ATP6V0D2: variants seen among roughly 807,000 people sequenced by gnomAD.
The protein encoded by ATP6V0D2 is V-type proton ATPase subunit d 2.
Under a neutral mutation model 40.0 loss-of-function variants are expected in ATP6V0D2, and 40 were observed. The observed-to-expected ratio is 1.00, with a 90% CI of 0.78 to 1.30. ATP6V0D2 has a LOEUF of 1.30. Ranked by LOEUF, ATP6V0D2 falls within the 50% of genes most tolerant of loss-of-function variation. ATP6V0D2 has a pLI of 0.00. For synonymous variants in ATP6V0D2, 179 were observed against 156.3 expected (o/e 1.15, Z -1.08); for missense variants, 470 against 423.1 (o/e 1.11, Z -0.97).
chr8:86,145,198 AG>A (rs1482341474), intron 5 of ATP6V0D2, among the ~76,000 whole-genome samples: 18 of 43,936 alleles, frequency 4.1e-4, no homozygotes, highest in Non-Finnish European at 8.8e-4. Flanking sequence ...AAGAAAGAAA[AG>A]AAAGAAAGAA....
At chr8:86,126,460 T>C (rs1401949686) in intron 2 of ATP6V0D2, among the ~76,000 whole-genome samples, 1 of 151,622 alleles carries the variant, frequency 6.6e-6, no homozygotes, top group Non-Finnish European at 1.5e-5. Context: ...TGTAAATAAC[T>C]ATGTTTGAAA....
intron 1 of ATP6V0D2, among the ~76,000 whole-genome samples, chr8:86,111,237 A>T (rs1198938220): frequency 2.0e-5 from 3 of 149,500 alleles, no homozygotes; most frequent in African/African-American, 7.4e-5. Context: ...CCCAGGCTAG[A>T]GTACAGTGGC....
chr8:86,146,254 T>C lies in ATP6V0D2; in HGVS notation c.639+3300T>C, dbSNP rs567272036. Reference sequence around the variant, plus strand: ...AGAATTATGGCTTTGTAATCCTTGGTAATGTAAAAAAAGGATAGTATCATA... The same window carrying C: ...AGAATTATGGCTTTGTAATCCTTGGCAATGTAAAAAAAGGATAGTATCATA... On this transcript the variant is annotated intron_variant, in intron 5 of 7. Transcript: ENST00000285393. 5.3e-5 allele frequency among the ~76,000 whole-genome samples: 8 copies of C among 152,278 alleles called. No individual in the cohort carries two copies. In the East Asian group the frequency reaches 1.5e-3, roughly 29 times the overall value.
rs561469026 is a variant in ATP6V0D2, at chr8:86,153,023, A to C, written c.*46A>C. On this transcript the variant is annotated 3_prime_UTR_variant, in exon 8 of 8. Transcript: ENST00000285393. ...GTAGAAAATTATAAATGTTAAAAGG[A>C]AGTTATTGAAGAAAATAAAAGAAAT... 3 of 1,463,758 alleles carry C rather than the reference A, an allele frequency of 2.0e-6. No homozygotes were observed. Among genetic ancestry groups the C allele is most frequent in the African/African-American group, 1.4e-5 (1 of 69,532 alleles). 90.7% of individuals were successfully genotyped at this position (1,463,758 alleles called of 1,614,324 possible). A position where few individuals can be genotyped will look rare whatever the true frequency, so the allele number is the denominator to read the frequency against.
intron 2 of ATP6V0D2, among the ~76,000 whole-genome samples, chr8:86,124,187 C>A (rs1267125887): frequency 6.6e-6 from 1 of 152,176 alleles, no homozygotes; most frequent in African/African-American, 2.4e-5. Flanking sequence ...AAGTGCAGGG[C>A]AAACACATCC....
chr8:86,121,594 AGG>A (rs1210255477), intron 2 of ATP6V0D2, among the ~76,000 whole-genome samples: 2 of 121,214 alleles, frequency 1.6e-5, no homozygotes, highest in African/African-American at 5.6e-5. Context: ...GAGGAGGAGG[AGG>A]AGGAGGAGGA....
rs770687244 is a variant in ATP6V0D2, at chr8:86,113,844, C to T, written c.266C>T (p.Ser89Phe). The T allele has an allele frequency of 1.2e-6, 2 of 1,613,764 alleles. No homozygotes were observed. Among genetic ancestry groups the T allele is most frequent in the Non-Finnish European group, 1.7e-6 (2 of 1,179,838 alleles). The change falls in exon 2 of 8, where the codon TCC becomes TTC. Residue 89 changes from serine to phenylalanine, a missense_variant. Physicochemically the swap from Ser to Phe is radical, Grantham distance 155. Transcript: ENST00000285393. Reference sequence around the variant, plus strand: ...GAATTTGAGTATTTCCGGAATCATTCCCTGGAGCCCCTCAGCACATTTCTC... The same window carrying T: ...GAATTTGAGTATTTCCGGAATCATTTCCTGGAGCCCCTCAGCACATTTCTC... The part of the protein sequence containing the change: ...CGEFEYFRNH[S>F]LEPLSTFLTY...
chr8:86,129,982 GAAAAAA>G (rs869058078), intron 2 of ATP6V0D2, among the ~76,000 whole-genome samples: 1 of 92,920 alleles, frequency 1.1e-5, no homozygotes, highest in Non-Finnish European at 2.2e-5. Context: ...GTCTCGAAAA[GAAAAAA>G]AAAAAAAAAA....
chr8:86,124,631 G>A (rs1439394453), intron 2 of ATP6V0D2, among the ~76,000 whole-genome samples: 1 of 152,120 alleles, frequency 6.6e-6, no homozygotes, highest in Non-Finnish European at 1.5e-5. Context: ...GTCACTCAAA[G>A]CCTTGGTTTC....
chr8:86,128,185 G>A (rs149067433), intron 2 of ATP6V0D2, among the ~76,000 whole-genome samples: 281 of 152,078 alleles, frequency 1.8e-3, no homozygotes, highest in African/African-American at 6.4e-3. Context: ...TCATCTCTAC[G>A]AAAAATACAA....
intron 1 of ATP6V0D2, among the ~76,000 whole-genome samples, chr8:86,111,654 C>T (rs562093373): frequency 6.6e-6 from 1 of 152,238 alleles, no homozygotes; most frequent in African/African-American, 2.4e-5. Context: ...TATTTCTCTC[C>T]CACTTAATAC....
intron 2 of ATP6V0D2, among the ~76,000 whole-genome samples, chr8:86,127,405 G>A (rs1258809980): frequency 2.4e-4 from 36 of 151,824 alleles, no homozygotes; most frequent in Admixed American, 2.4e-3. Context: ...AATGAAAGGT[G>A]CCTTTCACAC....
intron 7 of ATP6V0D2, among the ~76,000 whole-genome samples, chr8:86,152,587 C>T (rs970236804): frequency 6.6e-6 from 1 of 152,160 alleles, no homozygotes; most frequent in Non-Finnish European, 1.5e-5. Context: ...TCTTGTGATT[C>T]TACAAACTTA....
intron 2 of ATP6V0D2, among the ~76,000 whole-genome samples, chr8:86,133,078 A>T (rs930455203): frequency 6.6e-6 from 1 of 152,148 alleles, no homozygotes; most frequent in Non-Finnish European, 1.5e-5. Flanking sequence ...CTTGGAGGAC[A>T]CTAATGACTA....
intron 1 of ATP6V0D2, among the ~76,000 whole-genome samples, chr8:86,112,726 A>C (rs13257877): frequency 0.43 from 65,461 of 151,902 alleles, 16,577 homozygotes; most frequent in Non-Finnish European, 0.56. Flanking sequence ...TAGAAAATAC[A>C]TGGTTTGTTC....
At chr8:86,137,246 C>G (rs1818910497) in intron 2 of ATP6V0D2, among the ~76,000 whole-genome samples, 1 of 152,046 alleles carries the variant, frequency 6.6e-6, no homozygotes, top group Non-Finnish European at 1.5e-5. Flanking sequence ...GTTGCTGTAC[C>G]CTACAGATGC....
Position 86,139,583 on chromosome 8 carries a change from T to C in ATP6V0D2, c.429T>C (p.Ile143=). The change falls in exon 3 of 8, where the codon ATT becomes ATC. Residue 143 remains isoleucine (I), a synonymous_variant. Transcript: ENST00000285393. ...TCACAGAAATGGAAGCTGTCAACAT[T>C]GCAGAGACACCTTCAGATCTCTTTA... ...GRFTEMEAVN[I]AETPSDLFNA... The C allele has an allele frequency of 6.2e-7, 1 of 1,613,528 alleles. No individual in the cohort carries two copies. Among genetic ancestry groups the C allele is most frequent in the Non-Finnish European group, 8.5e-7 (1 of 1,179,774 alleles).
chr8:86,143,867 A>C (rs1006215051), intron 5 of ATP6V0D2, among the ~76,000 whole-genome samples: 3 of 151,970 alleles, frequency 2.0e-5, no homozygotes, highest in African/African-American at 4.8e-5. Context: ...TAATCACCCA[A>C]ATTCCCTCTG....
At chr8:86,115,684 T>C (rs1371247899) in intron 2 of ATP6V0D2, among the ~76,000 whole-genome samples, 2 of 152,068 alleles carry the variant, frequency 1.3e-5, no homozygotes, top group Non-Finnish European at 2.9e-5. Flanking sequence ...TCATATATTC[T>C]TCCACTTTAC....
Sources: gnomAD v4.1 joint callset for allele counts (sites outside exome capture counted in the v4.1 genomes callset) on GRCh38, gnomAD v4.1.1 for gene constraint, MANE v1.5 for transcripts, NCBI Gene and HGNC (gene_info 2026-07-23, HGNC 2026-07-21) for gene names.